Variants in CEP63 observed in about 807,000 individuals in gnomAD.
CEP63 encodes the protein centrosomal protein 63, also known as centrosomal protein of 63 kDa.
Under a neutral mutation model 89.1 loss-of-function variants are expected in CEP63, and 84 were observed. The observed-to-expected ratio is 0.94, with a 90% CI of 0.79 to 1.13. The LOEUF (loss-of-function observed/expected upper bound fraction) is 1.13. Ranked by LOEUF, CEP63 falls within the 50% of genes most tolerant of loss-of-function variation. The probability of loss-of-function intolerance (pLI) is 0.00; values close to 1 mark genes in which losing one functional copy is unlikely to be tolerated. For synonymous variants in CEP63, 267 were observed against 272.5 expected, an observed-to-expected ratio of 0.98 and a Z score of 0.20; for missense variants, 838 against 813.3, an observed-to-expected ratio of 1.03 and a Z score of -0.37.
chr3:134,606,272 T>A, the CEP63 span, among the ~76,000 whole-genome samples: 2 of 152,148 alleles, frequency 1.3e-5, no homozygotes, highest in African/African-American at 4.8e-5. Flanking sequence ...CAGGGCTCCT[T>A]TGAAAACGTC....
the CEP63 span, among the ~76,000 whole-genome samples, chr3:134,715,533 T>G: frequency 1.6e-3 from 38 of 24,120 alleles, 1 homozygote; most frequent in East Asian, 0.087. Context: ...TTTTTGTTTT[T>G]TTTTGTTTTT....
chr3:134,756,391 A>G, the CEP63 span, among the ~76,000 whole-genome samples: 1 of 152,200 alleles, frequency 6.6e-6, no homozygotes, highest in African/African-American at 2.4e-5. Flanking sequence ...TTGCCCAGGC[A>G]GGAATGCAGT....
chr3:134,709,893 A>G, the CEP63 span, among the ~76,000 whole-genome samples: 1 of 152,236 alleles, frequency 6.6e-6, no homozygotes, highest in Non-Finnish European at 1.5e-5. Flanking sequence ...TGGCAGAAAA[A>G]TGAACAATCT....
chr3:134,773,204 G>T, the CEP63 span, among the ~76,000 whole-genome samples: 2 of 152,150 alleles, frequency 1.3e-5, no homozygotes, highest in Non-Finnish European at 2.9e-5. Context: ...GCAAGATCCT[G>T]CTTCTATTTG....
the CEP63 span, chr3:134,607,093 C>T: frequency 4.1e-6 from 4 of 985,342 alleles, no homozygotes; most frequent in Non-Finnish European, 4.8e-6. Flanking sequence ...GCAAACTCCA[C>T]TCAATGACAT....
chr3:134,777,145 A>G, the CEP63 span, among the ~76,000 whole-genome samples: 4 of 152,366 alleles, frequency 2.6e-5, no homozygotes, highest in South Asian at 8.3e-4. Context: ...GGTGTTAAAA[A>G]AGGCACATGT....
chr3:134,604,572 G>T, the CEP63 span: 1 of 1,023,208 alleles, frequency 9.8e-7, no homozygotes, highest in Non-Finnish European at 1.4e-6. Context: ...AAAACGTCCT[G>T]ACTTATAGAG....
At chr3:134,763,875 C>G in the CEP63 span, among the ~76,000 whole-genome samples, 1 of 152,224 alleles carries the variant, frequency 6.6e-6, no homozygotes, top group African/African-American at 2.4e-5. Flanking sequence ...AGTAGCCTCT[C>G]CACTACTCAC....
rs1957644762 is a variant in CEP63 at position 134,564,629 on chromosome 3, T to C, written c.*3094T>C. 2.0e-6 allele frequency: 2 copies of C among 985,330 alleles called. No individual in the cohort carries two copies. Among genetic ancestry groups the C allele is most frequent in the Admixed American group, 6.1e-5 (1 of 16,270 alleles). The allele number at this position is 985,330 out of a possible 1,614,324, so 61.0% of individuals were successfully genotyped here. On this transcript the variant is annotated 3_prime_UTR_variant, in exon 15 of 15. Transcript: ENST00000675561. ...ATTGTATTTATCAGTAAAACTGAAA[T>C]AATATCTAATGGGGTCGAGAAGATT...
chr3:134,692,929 T>A, the CEP63 span, among the ~76,000 whole-genome samples: 1 of 152,240 alleles, frequency 6.6e-6, no homozygotes, highest in Non-Finnish European at 1.5e-5. Context: ...CTTCCACCTC[T>A]TTCTTCCTTC....
At chr3:134,603,642 C>A in the CEP63 span, 8 of 1,611,964 alleles carry the variant, frequency 5.0e-6, no homozygotes, top group Admixed American at 1.7e-5. Context: ...CATTCTCCAG[C>A]ACCATGACAT....
At chr3:134,718,482 T>C in the CEP63 span, among the ~76,000 whole-genome samples, 5 of 152,216 alleles carry the variant, frequency 3.3e-5, no homozygotes, top group Non-Finnish European at 7.3e-5. Context: ...TATTATAATT[T>C]TATTGCTTTT....
the CEP63 span, chr3:134,619,299 G>T: frequency 2.6e-6 from 4 of 1,541,952 alleles, no homozygotes; most frequent in Admixed American, 6.7e-5. Context: ...TGAAGAGCTT[G>T]AGCCTGGGAG....
At chr3:134,643,530 A>C in the CEP63 span, among the ~76,000 whole-genome samples, 1 of 152,228 alleles carries the variant, frequency 6.6e-6, no homozygotes, top group African/African-American at 2.4e-5. Context: ...CAGTGTGCAC[A>C]TGTGCAAACC....
chr3:134,587,339 C>T (rs886095558), intron 10 of CEP63, among the ~76,000 whole-genome samples: 2 of 152,084 alleles, frequency 1.3e-5, no homozygotes, highest in Non-Finnish European at 2.9e-5. Flanking sequence ...TTTTATCTAC[C>T]TTTGGTCTTT....
chr3:134,489,747 T>A (rs906231535), intron 1 of CEP63, among the ~76,000 whole-genome samples: 4 of 152,210 alleles, frequency 2.6e-5, no homozygotes, highest in African/African-American at 9.7e-5. Flanking sequence ...GAAAAATGCT[T>A]AATTCTTTGC....
At chr3:134,652,654 ACACG>A in the CEP63 span, among the ~76,000 whole-genome samples, 16 of 144,532 alleles carry the variant, frequency 1.1e-4, no homozygotes, top group Non-Finnish European at 1.7e-4. Flanking sequence ...ACACACACAC[ACACG>A]CGCGCGCGCA....
At chr3:134,730,686 T>A in the CEP63 span, among the ~76,000 whole-genome samples, 92,655 of 151,800 alleles carry the variant, frequency 0.61, 28,641 homozygotes, top group East Asian at 0.79. Flanking sequence ...CTTAAAAAAA[T>A]GAAAATAGTA....
the CEP63 span, among the ~76,000 whole-genome samples, chr3:134,702,826 G>A: frequency 1.3e-5 from 2 of 151,688 alleles, no homozygotes; most frequent in African/African-American, 4.8e-5. Context: ...AATAGATGAA[G>A]GCGAGGTTGT....
Sources: allele counts gnomAD v4.1 joint callset (sites outside exome capture counted in the v4.1 genomes callset), GRCh38; gene constraint gnomAD v4.1.1; transcripts MANE v1.5; gene names NCBI Gene and HGNC (gene_info 2026-07-23, HGNC 2026-07-21).